Variants in SOX5 observed in about 807,000 individuals in gnomAD.
SOX5 encodes transcription factor SOX-5.
Under a neutral mutation model 92.0 loss-of-function variants are expected in SOX5, and 9 were observed. That is an observed-to-expected ratio of 0.10 (90% CI 0.06 to 0.17). SOX5 has a LOEUF of 0.17. SOX5 is among the 10% of genes least tolerant of loss of function. SOX5 has a pLI of 1.00. For synonymous variants in SOX5, 344 were observed against 336.3 expected, an observed-to-expected ratio of 1.02 and a Z score of -0.25; for missense variants, 642 against 944.5, an observed-to-expected ratio of 0.68 and a Z score of 4.20.
intron 4 of SOX5, among the ~76,000 whole-genome samples, chr12:23,977,195 T>C (rs58709694): frequency 0.1 from 15,231 of 152,254 alleles, 1,032 homozygotes; most frequent in East Asian, 0.21. Context: ...CAATATTTCA[T>C]TGAAGCCATC....
chr12:24,001,194 G>A (rs188842484), intron 4 of SOX5, among the ~76,000 whole-genome samples: 1 of 152,086 alleles, frequency 6.6e-6, no homozygotes, highest in Non-Finnish European at 1.5e-5. Flanking sequence ...GGGCTCCAGT[G>A]ATCCACCTGC....
intron 1 of SOX5, among the ~76,000 whole-genome samples, chr12:24,454,868 T>A (rs1942809811): frequency 6.6e-6 from 1 of 152,196 alleles, no homozygotes; most frequent in Non-Finnish European, 1.5e-5. Context: ...TCTGCAAAAT[T>A]AGACAGGAAA....
chr12:23,795,333 T>C (rs1025266862), intron 3 of SOX5, among the ~76,000 whole-genome samples: 7 of 152,116 alleles, frequency 4.6e-5, no homozygotes, highest in African/African-American at 1.7e-4. Flanking sequence ...CATAAAAAAT[T>C]CTGGCAACAG....
intron 1 of SOX5, among the ~76,000 whole-genome samples, chr12:24,394,927 C>A (rs1959516331): frequency 6.6e-6 from 1 of 152,126 alleles, no homozygotes; most frequent in Non-Finnish European, 1.5e-5. Context: ...CGCCTTTTCA[C>A]TACATGGTAG....
At chr12:23,914,244 AT>A (rs2097386253) in intron 1 of SOX5, among the ~76,000 whole-genome samples, 1 of 152,084 alleles carries the variant, frequency 6.6e-6, no homozygotes, top group African/African-American at 2.4e-5. Flanking sequence ...GGTTTTCTAA[AT>A]TTTTTTCATA....
intron 2 of SOX5, among the ~76,000 whole-genome samples, chr12:24,286,907 T>C (rs1375500349): frequency 2.0e-5 from 3 of 152,180 alleles, no homozygotes; most frequent in East Asian, 1.9e-4. Context: ...TGTTTTCTCA[T>C]TGGTAAATTT....
chr12:24,441,684 G>A (rs1269196207), intron 1 of SOX5, among the ~76,000 whole-genome samples: 1 of 152,080 alleles, frequency 6.6e-6, no homozygotes, highest in Non-Finnish European at 1.5e-5. Flanking sequence ...ATAAAAAGTT[G>A]ACAAAACAAT....
chr12:23,635,153 C>T (rs2079057958), intron 8 of SOX5, among the ~76,000 whole-genome samples: 1 of 152,078 alleles, frequency 6.6e-6, no homozygotes, highest in Admixed American at 6.6e-5. Flanking sequence ...GAAGTCTTCC[C>T]TGAAAAAAGT....
intron 4 of SOX5, among the ~76,000 whole-genome samples, chr12:24,098,686 T>A (rs920932671): frequency 6.6e-6 from 1 of 152,276 alleles, no homozygotes; most frequent in Middle Eastern, 3.4e-3. Context: ...ATGTGTATAG[T>A]TTCTTTGCCT....
intron 4 of SOX5, among the ~76,000 whole-genome samples, chr12:24,187,917 C>A (rs1011807847): frequency 2.0e-5 from 3 of 152,140 alleles, no homozygotes; most frequent in East Asian, 3.8e-4. Flanking sequence ...TACTTAGCAA[C>A]GGAGTTTTAA....
At chr12:24,286,652 C>T (rs995621631) in intron 2 of SOX5, among the ~76,000 whole-genome samples, 2 of 152,182 alleles carry the variant, frequency 1.3e-5, no homozygotes, top group African/African-American at 4.8e-5. Context: ...ATCTTCCTGC[C>T]TCAGCCTCCC....
chr12:23,886,395 A>G (rs1326704905), intron 2 of SOX5, among the ~76,000 whole-genome samples: 1 of 152,182 alleles, frequency 6.6e-6, no homozygotes. Context: ...TAGGTAGTTG[A>G]ATCTAACTGA....
intron 6 of SOX5, among the ~76,000 whole-genome samples, chr12:23,711,633 A>G (rs116446728): frequency 0.037 from 5,590 of 152,286 alleles, 188 homozygotes; most frequent in East Asian, 0.12. Context: ...CTTATAAAAC[A>G]CATGATGAAA....
chr12:23,782,165 T>C (rs377220037), intron 3 of SOX5, among the ~76,000 whole-genome samples: 2 of 152,076 alleles, frequency 1.3e-5, no homozygotes, highest in African/African-American at 2.4e-5. Flanking sequence ...ATAAACAAAC[T>C]ATAGAGCTAT....
chr12:24,335,390 T>G (rs1469535798), intron 2 of SOX5, among the ~76,000 whole-genome samples: 1 of 152,240 alleles, frequency 6.6e-6, no homozygotes, highest in Non-Finnish European at 1.5e-5. Context: ...ATTTTAACAA[T>G]AGCCTTTATT....
intron 8 of SOX5, among the ~76,000 whole-genome samples, chr12:23,611,353 CGTGTGT>C (rs569434819): frequency 7.1e-6 from 1 of 140,270 alleles, no homozygotes; most frequent in Admixed American, 7.5e-5. Context: ...AGTATTCCAT[CGTGTGT>C]GTGTGTGTGC....
At chr12:23,895,760 G>A in intron 2 of SOX5, 33 bp downstream of exon 2, 1 of 1,467,388 alleles carries the variant, frequency 6.8e-7, no homozygotes, top group Non-Finnish European at 9.6e-7. Flanking sequence ...GTCAAAAAGT[G>A]AGTGTAGGCA....
At chr12:23,951,922 T>A (rs1945705463), upstream of SOX5, among the ~76,000 whole-genome samples, 1 of 152,132 alleles carries the variant, frequency 6.6e-6, no homozygotes, top group African/African-American at 2.4e-5. Flanking sequence ...AATGAAAAAA[T>A]TGTTGCATTT....
At chr12:24,424,253 G>A (rs897712668) in intron 1 of SOX5, among the ~76,000 whole-genome samples, 12 of 152,152 alleles carry the variant, frequency 7.9e-5, no homozygotes, top group Non-Finnish European at 1.8e-4. Context: ...TTTTTTAAAA[G>A]TAATACCTTC....
Sources: gnomAD v4.1 joint callset for allele counts (sites outside exome capture counted in the v4.1 genomes callset) on GRCh38, gnomAD v4.1.1 for gene constraint, MANE v1.5 for transcripts, NCBI Gene and HGNC (gene_info 2026-07-23, HGNC 2026-07-21) for gene names.